The following NBAS variants were observed in gnomAD, a reference collection of about 807,000 sequenced individuals.
The protein encoded by NBAS is NBAS subunit of NRZ tethering complex, also known as NAG/BC035112 fusion.
In NBAS, 219 loss-of-function variants were observed where a neutral mutation model predicts 302.5. The ratio of observed to expected loss-of-function variants is 0.72; its 90% CI spans 0.65 to 0.81. The LOEUF (loss-of-function observed/expected upper bound fraction) is 0.81. NBAS is among the 30% of genes least tolerant of loss of function. The pLI, the probability that NBAS is intolerant of heterozygous loss-of-function variation, is 0.00. For synonymous variants in NBAS, 1,118 were observed against 1,021.6 expected (o/e 1.09, Z -1.80); for missense variants, 2,932 against 2,841.6 (o/e 1.03, Z -0.72).
intron 12 of NBAS, among the ~76,000 whole-genome samples, chr2:15,487,106 C>A (rs751402365): frequency 1.2e-4 from 18 of 151,962 alleles, no homozygotes; most frequent in Non-Finnish European, 2.2e-4. Context: ...AACAGAAAGC[C>A]AAGGGGGGAA....
chr2:15,511,204 ATACT>A lies in NBAS; in HGVS notation c.885+4_885+7del, dbSNP rs1468778094. The stretch of plus-strand genomic sequence containing the variant: ...ATAGCAAAGTGAAGTGCCATAACTC[ATACT>A]TACTGCAGTAACCCCGTCTCCACCA... On this transcript the variant is annotated splice_donor_5th_base_variant and intron_variant, in intron 10 of 51. Transcript: ENST00000281513. The A allele has an allele frequency of 1.2e-6, 2 of 1,613,914 alleles. No homozygotes were observed. Among genetic ancestry groups the A allele is most frequent in the Non-Finnish European group, 1.7e-6 (2 of 1,179,946 alleles).
chr2:15,499,499 C>T (rs113270359), intron 11 of NBAS, among the ~76,000 whole-genome samples: 6 of 152,260 alleles, frequency 3.9e-5, no homozygotes, highest in African/African-American at 1.4e-4. Context: ...AAAACTAATG[C>T]AGGAACTAAT....
the NBAS span, among the ~76,000 whole-genome samples, chr2:14,978,804 T>A: frequency 6.6e-6 from 1 of 152,198 alleles, no homozygotes; most frequent in Non-Finnish European, 1.5e-5. Context: ...AACATTACAT[T>A]TCAATGATTC....
At position 15,292,638 on chromosome 2, in the gene NBAS, G is replaced by A. The variant is rs760152191; in HGVS notation, c.4926C>T (p.Phe1642=). ...LHCYNERLLD[F]TQAQILQGLR... ...GGCCCTGAAGGATCTGCGCCTGAGT[G>A]AAATCCAGGAGACGTTCATTGTAGC... The change falls in exon 41 of 52, where the codon TTC becomes TTT. Residue 1642 remains phenylalanine (F), a synonymous_variant. Transcript: ENST00000281513. The A allele has an allele frequency of 1.2e-6, 2 of 1,614,204 alleles. No homozygotes were observed. Among genetic ancestry groups the A allele is most frequent in the Admixed American group, 1.7e-5 (1 of 60,022 alleles).
chr2:15,277,571 G>T (rs1669642718), intron 42 of NBAS, among the ~76,000 whole-genome samples: 1 of 152,150 alleles, frequency 6.6e-6, no homozygotes, highest in Non-Finnish European at 1.5e-5. Context: ...AGATTTACAT[G>T]CAAGAGTCTT....
chr2:14,968,856 A>G, the NBAS span, among the ~76,000 whole-genome samples: 302 of 152,362 alleles, frequency 2.0e-3, 1 homozygote, highest in Admixed American at 4.0e-3. Context: ...TATATCAAAG[A>G]AAAACAAAAA....
intron 38 of NBAS, among the ~76,000 whole-genome samples, chr2:15,324,301 T>C (rs1462007376): frequency 6.6e-6 from 1 of 152,224 alleles, no homozygotes; most frequent in East Asian, 1.9e-4. Context: ...GCATTTCTTC[T>C]CAGCCTACTA....
chr2:14,899,315 A>G, the NBAS span, among the ~76,000 whole-genome samples: 2 of 152,216 alleles, frequency 1.3e-5, no homozygotes. Flanking sequence ...GCTGAAGTCC[A>G]TGAGTAATAC....
chr2:14,853,897 G>A, the NBAS span, among the ~76,000 whole-genome samples: 6 of 118,972 alleles, frequency 5.0e-5, no homozygotes, highest in Non-Finnish European at 1.0e-4. Context: ...ACAGGAAGGG[G>A]AATATCACAC....
chr2:15,527,746 GA>G (rs1330537349), intron 9 of NBAS, among the ~76,000 whole-genome samples: 1 of 152,042 alleles, frequency 6.6e-6, no homozygotes, highest in Non-Finnish European at 1.5e-5. Flanking sequence ...CATCAAAATA[GA>G]AAAAAATTAA....
chr2:15,413,358 T>C (rs921510503), intron 25 of NBAS, among the ~76,000 whole-genome samples: 28 of 152,086 alleles, frequency 1.8e-4, no homozygotes, highest in African/African-American at 6.3e-4. Context: ...CTAGAAGATA[T>C]ATACAGAAAG....
At chr2:15,056,816 C>T in the NBAS span, among the ~76,000 whole-genome samples, 1 of 148,386 alleles carries the variant, frequency 6.7e-6, no homozygotes, top group Non-Finnish European at 1.5e-5. Flanking sequence ...CCCTAATTTC[C>T]CTTTTCTTTT....
chr2:15,126,029 C>T, the NBAS span, among the ~76,000 whole-genome samples: 4 of 152,146 alleles, frequency 2.6e-5, no homozygotes, highest in African/African-American at 9.6e-5. Flanking sequence ...GAAGTGTGAT[C>T]TCCGGTGTTG....
chr2:15,532,920 T>C (rs1182641957), intron 9 of NBAS, among the ~76,000 whole-genome samples: 2 of 152,052 alleles, frequency 1.3e-5, no homozygotes, highest in South Asian at 2.1e-4. Context: ...CTAGATTATA[T>C]AAAAATGTCA....
In NBAS at chr2:15,561,297, G is replaced by A. The variant is rs202150793; in HGVS notation, c.8C>T (p.Ala3Val). 4.3e-5 allele frequency: 70 copies of A among 1,612,798 alleles called. No homozygotes were observed. Among genetic ancestry groups the A allele is most frequent in the African/African-American group, 1.3e-4 (10 of 74,920 alleles). ...ACTCAAAGCCGGCCCTGACTCGGGG[G>A]CCGCCATGTTCGCCGAGGACTCAGG... is the stretch of plus-strand genomic sequence containing the variant. Reference protein sequence around the residue: MAAPESGPALSPG... With the variant: MAVPESGPALSPG... The change falls in exon 1 of 52, where the codon GCC becomes GTC. Residue 3 changes from alanine (A) to valine (V), a missense_variant. Coordinates refer to ENST00000281513, the MANE Select transcript of NBAS (RefSeq NM_015909.4).
At position 15,548,652 on chromosome 2, in the gene NBAS, A is replaced by G. The variant is rs116452281; in HGVS notation, c.379+2841T>C. Reference sequence around the variant, plus strand: ...AGCAAGACTTCATCTCAAAAAATATATATAAATTAAATCAATAAAAAAGGA... The same window carrying G: ...AGCAAGACTTCATCTCAAAAAATATGTATAAATTAAATCAATAAAAAAGGA... On this transcript the variant is annotated intron_variant, in intron 6 of 51. Transcript: ENST00000281513. Among the ~76,000 whole-genome samples the G allele has an allele frequency of 6.0e-3, 905 of 152,084 alleles. 7 individuals carry two copies. Among genetic ancestry groups the G allele is most frequent in the African/African-American group, 0.019 (794 of 41,464 alleles).
At chr2:15,380,269 G>T (rs1394304254) in intron 29 of NBAS, among the ~76,000 whole-genome samples, 2 of 151,618 alleles carry the variant, frequency 1.3e-5, no homozygotes, top group South Asian at 4.2e-4. Flanking sequence ...TTTAATATGG[G>T]TTCTTGCTAT....
the NBAS span, among the ~76,000 whole-genome samples, chr2:14,924,245 A>G: frequency 6.6e-6 from 1 of 152,250 alleles, no homozygotes; most frequent in African/African-American, 2.4e-5. Flanking sequence ...AAAATGCTCA[A>G]TGCAGATTCC....
At chr2:15,181,655 G>T (rs535724166) in intron 50 of NBAS, among the ~76,000 whole-genome samples, 4 of 152,196 alleles carry the variant, frequency 2.6e-5, no homozygotes, top group Non-Finnish European at 5.9e-5. Flanking sequence ...AGGACTAGGT[G>T]GGCCCAGGCT....
Sources: gnomAD v4.1 joint callset for allele counts (sites outside exome capture counted in the v4.1 genomes callset) on GRCh38, gnomAD v4.1.1 for gene constraint, MANE v1.5 for transcripts, NCBI Gene and HGNC (gene_info 2026-07-23, HGNC 2026-07-21) for gene names.